RAB40C: variants seen among roughly 807,000 people sequenced by gnomAD.
RAB40C encodes ras-related protein Rab-40C.
A neutral mutation model predicts 28.1 loss-of-function variants in RAB40C; 8 were observed. The observed-to-expected ratio is 0.28, with a 90% confidence interval of 0.17 to 0.51. The LOEUF is 0.51. Among genes scored for constraint, RAB40C ranks in the 20% least tolerant of loss-of-function variants. The pLI is 0.97. For synonymous variants in RAB40C, 201 were observed against 171.7 expected, an observed-to-expected ratio of 1.17 and a Z score of -1.34; for missense variants, 288 against 405.9, an observed-to-expected ratio of 0.71 and a Z score of 2.50.
At chr16:624,942 C>T in intron 3 of RAB40C, 4 of 1,288,666 alleles carry the variant, frequency 3.1e-6, no homozygotes, top group Non-Finnish European at 4.0e-6. Flanking sequence ...ACCTGCTCTG[C>T]CTGGCTGGGG....
chr16:624,364 A>G, intron 3 of RAB40C: 1 of 985,436 alleles, frequency 1.0e-6, no homozygotes, highest in Non-Finnish European at 1.2e-6. Flanking sequence ...TCTGAATCTT[A>G]TCATTTATCG....
intron 1 of RAB40C, among the ~76,000 whole-genome samples, chr16:609,129 A>G (rs2036427975): frequency 6.6e-6 from 1 of 152,162 alleles, no homozygotes; most frequent in Non-Finnish European, 1.5e-5. Context: ...AATAAAAATA[A>G]AAACGTGGAC....
At chr16:603,375 C>T (rs959521080) in intron 1 of RAB40C, among the ~76,000 whole-genome samples, 3 of 152,202 alleles carry the variant, frequency 2.0e-5, no homozygotes, top group Non-Finnish European at 1.5e-5. Context: ...GGTTGGTGGA[C>T]GTGGGCTGTC....
intron 3 of RAB40C, 148 bp downstream of exon 3, chr16:618,408 G>C: frequency 3.5e-6 from 3 of 866,230 alleles, no homozygotes; most frequent in Non-Finnish European, 5.1e-6. Context: ...TGTTTGTTTT[G>C]AGACAGAGAC....
At chr16:611,712 G>C (rs1425561123) in intron 1 of RAB40C, among the ~76,000 whole-genome samples, 3 of 108,286 alleles carry the variant, frequency 2.8e-5, no homozygotes, top group Admixed American at 8.8e-5. Flanking sequence ...CAGCCGCCCT[G>C]GCCTGTAGAA....
chr16:622,266 C>T (rs776802883), intron 3 of RAB40C, among the ~76,000 whole-genome samples: 1 of 152,174 alleles, frequency 6.6e-6, no homozygotes, highest in Non-Finnish European at 1.5e-5. Context: ...ATATTGCCAC[C>T]GTTACCCAAG....
intron 1 of RAB40C, among the ~76,000 whole-genome samples, chr16:594,866 C>CTGGAT: frequency 6.7e-6 from 1 of 148,450 alleles, no homozygotes; most frequent in Non-Finnish European, 1.5e-5. Context: ...CTTGCGCAGG[C>CTGGAT]TGGAGTGCAG....
chr16:626,537 C>T (rs1018248744), intron 5 of RAB40C, among the ~76,000 whole-genome samples: 1 of 151,874 alleles, frequency 6.6e-6, no homozygotes, highest in Non-Finnish European at 1.5e-5. Context: ...CAGAGGCTCC[C>T]GTGAAGCCCC....
chr16:590,176 G>C lies in RAB40C; in HGVS notation c.-116G>C. 2 of 757,406 alleles carry C rather than the reference G, an allele frequency of 2.6e-6. No homozygotes were observed. The highest frequency in any genetic ancestry group is 3.2e-6 in the Non-Finnish European group (2 of 618,226). 46.9% of individuals were successfully genotyped at this position (757,406 alleles called of 1,614,324 possible). A position where few individuals can be genotyped will look rare whatever the true frequency, so the allele number is the denominator to read the frequency against. ...CGCTGGGCTTCGGGCGCGCCCACTC[G>C]GCCGCCGTGGGGCGGACGCAACGGG... On this transcript the variant is annotated 5_prime_UTR_variant, in exon 1 of 6. Transcript: ENST00000248139.
chr16:598,378 A>C (rs1232779516), intron 1 of RAB40C, among the ~76,000 whole-genome samples: 51 of 42,514 alleles, frequency 1.2e-3, no homozygotes, highest in African/African-American at 4.8e-3. Flanking sequence ...CTCCACCTCA[A>C]AAAAAAAAAA....
In RAB40C at chr16:627,388, C is replaced by T; in HGVS notation, c.612C>T (p.Thr204=). Residue 204 remains threonine, a synonymous_variant, in exon 6 of 6, where the codon ACC becomes ACT. Coordinates refer to ENST00000248139, the MANE Select transcript of RAB40C (RefSeq NM_021168.5). ...GCTGCCGGGCCATCGTCTCCTGCAC[C>T]CCCGTGCACCTCATCGACAAGCTTC... ...DLCCRAIVSC[T]PVHLIDKLPL... 6.2e-7 allele frequency: 1 copy of T among 1,613,902 alleles called. No individual in the cohort carries two copies. Among genetic ancestry groups the T allele is most frequent in the Non-Finnish European group, 8.5e-7 (1 of 1,179,974 alleles).
chr16:594,751 A>G (rs1310198165), intron 1 of RAB40C, among the ~76,000 whole-genome samples: 1 of 149,946 alleles, frequency 6.7e-6, no homozygotes, highest in Non-Finnish European at 1.5e-5. Flanking sequence ...GGTGTTGGGC[A>G]CCACTGACCA....
In RAB40C at chr16:590,440, C is replaced by T. The variant is rs61753371; in HGVS notation, c.142+7C>T. On this transcript the variant is annotated splice_region_variant and intron_variant, in intron 1 of 5. Transcript: ENST00000248139. Reference sequence around the variant, plus strand: ...CCGTACGCCTACAGTAACGGTAAGGCCCGGCCCGCGGCGCGCGCTGCTACG... The same window carrying T: ...CCGTACGCCTACAGTAACGGTAAGGTCCGGCCCGCGGCGCGCGCTGCTACG... The T allele has an allele frequency of 0.017, 27,345 of 1,575,776 alleles. 323 individuals are homozygous for T. Among genetic ancestry groups the T allele is most frequent in the Admixed American group, 0.042 (2,329 of 55,734 alleles).
At chr16:601,290 G>C (rs1212384543) in intron 1 of RAB40C, among the ~76,000 whole-genome samples, 1 of 152,176 alleles carries the variant, frequency 6.6e-6, no homozygotes, top group Non-Finnish European at 1.5e-5. Context: ...CATCCTTTCT[G>C]AATTGAAATG....
At chr16:624,674 A>T in intron 3 of RAB40C, 1 of 985,448 alleles carries the variant, frequency 1.0e-6, no homozygotes, top group South Asian at 4.7e-5. Flanking sequence ...AGTAGGGTGG[A>T]TCACAGCTCA....
In RAB40C at chr16:591,582, C is replaced by G. The variant is rs147082787; in HGVS notation, c.142+1149C>G. Among the ~76,000 whole-genome samples the G allele has an allele frequency of 9.6e-3, 1,462 of 151,610 alleles. 19 individuals are homozygous for G. Among genetic ancestry groups the G allele is most frequent in the African/African-American group, 0.031 (1,282 of 41,332 alleles). ...CTGAACATTTGTTTTGTTTTGTTTT[C>G]TTTTCTTTTCTTTCTTTTTTTTTTT... On this transcript the variant is annotated intron_variant, in intron 1 of 5. Transcript: ENST00000248139.
intron 1 of RAB40C, among the ~76,000 whole-genome samples, chr16:592,949 CT>C (rs1025004528): frequency 6.6e-6 from 1 of 152,250 alleles, no homozygotes; most frequent in African/African-American, 2.4e-5. Context: ...GGAGACCTGC[CT>C]GCTTGCAGAG....
intron 1 of RAB40C, among the ~76,000 whole-genome samples, chr16:601,978 T>A (rs774487819): frequency 6.6e-6 from 1 of 151,906 alleles, no homozygotes; most frequent in African/African-American, 2.4e-5. Context: ...ATATAAAAGT[T>A]AGCGGGGTGT....
chr16:618,172 C>T (rs371999985), intron 2 of RAB40C, 28 bp from the exon 3 acceptor site: 245 of 1,606,864 alleles, frequency 1.5e-4, no homozygotes, highest in Admixed American at 7.5e-4. Context: ...ACCACAGTCC[C>T]GGCCCCTCCC....
Sources: gnomAD v4.1 joint callset for allele counts (sites outside exome capture counted in the v4.1 genomes callset) on GRCh38, gnomAD v4.1.1 for gene constraint, MANE v1.5 for transcripts, NCBI Gene and HGNC (gene_info 2026-07-23, HGNC 2026-07-21) for gene names.